TNNI3K: variants seen among roughly 807,000 people sequenced by gnomAD.
TNNI3K encodes the protein serine/threonine-protein kinase TNNI3K.
A neutral mutation model predicts 114.5 loss-of-function variants in TNNI3K; 140 were observed. That is an observed-to-expected ratio of 1.22 (90% CI 1.07 to 1.41). The LOEUF (loss-of-function observed/expected upper bound fraction) is 1.41, where lower values mean the gene tolerates loss of function less well. TNNI3K is among the 40% of genes most tolerant of loss of function. The probability of loss-of-function intolerance (pLI) is 0.00; values close to 1 mark genes in which losing one functional copy is unlikely to be tolerated. For synonymous variants in TNNI3K, 347 were observed against 347.5 expected (o/e 1.00, Z 0.02); for missense variants, 1,125 against 1,007.6 (o/e 1.12, Z -1.58).
At chr1:74,265,656 A>ATT (rs1655930759) in intron 4 of TNNI3K, among the ~76,000 whole-genome samples, 1 of 152,052 alleles carries the variant, frequency 6.6e-6, no homozygotes, top group Admixed American at 6.6e-5. Context: ...CATAATAACA[A>ATT]TTATTATGTG....
At chr1:74,311,503 T>C (rs891149415) in intron 5 of TNNI3K, among the ~76,000 whole-genome samples, 5 of 152,208 alleles carry the variant, frequency 3.3e-5, no homozygotes, top group Admixed American at 1.3e-4. Flanking sequence ...TGAAAATAGC[T>C]TAAAATATAT....
chr1:74,471,996 C>G (rs35407356), intron 21 of TNNI3K: 1 of 651,264 alleles, frequency 1.5e-6, no homozygotes, highest in Non-Finnish European at 2.8e-6. Flanking sequence ...TTTGTACGAT[C>G]TTTTGTACAT....
intron 5 of TNNI3K, among the ~76,000 whole-genome samples, chr1:74,283,678 T>C (rs956574467): frequency 6.6e-6 from 1 of 152,160 alleles, no homozygotes; most frequent in Non-Finnish European, 1.5e-5. Flanking sequence ...AGAAATCCCT[T>C]TGTAACCATT....
chr1:74,479,776 A>G (rs1668386985), intron 21 of TNNI3K, among the ~76,000 whole-genome samples: 1 of 152,252 alleles, frequency 6.6e-6, no homozygotes, highest in Non-Finnish European at 1.5e-5. Context: ...TCTATCTCCT[A>G]GTGTCATAAC....
chr1:74,463,442 G>A lies in TNNI3K; in HGVS notation c.2013G>A (p.Ala671=), dbSNP rs145840620. 5.0e-5 allele frequency: 81 copies of A among 1,613,982 alleles called. No homozygotes were observed. Among genetic ancestry groups the A allele is most frequent in the Middle Eastern group, 1.6e-4 (1 of 6,084 alleles). The stretch of plus-strand genomic sequence containing the variant: ...CTGACATGACCATTTGGTTTGCAGC[G>A]GCTGCGGCAGCAGACATGGCTTACC... ...GEIPFAHLKP[A]AAAADMAYHH... Residue 671 remains alanine (A), a splice_region_variant and synonymous_variant, in exon 21 of 25, where the codon GCG becomes GCA. Transcript: ENST00000326637.
chr1:74,536,593 A>G (rs1437925421), intron 23 of TNNI3K, among the ~76,000 whole-genome samples: 2 of 152,158 alleles, frequency 1.3e-5, no homozygotes, highest in Non-Finnish European at 2.9e-5. Flanking sequence ...CTAATATAAC[A>G]TGGTAGTATG....
At chr1:74,374,481 T>C (rs1234550555) in intron 17 of TNNI3K, 6 of 151,916 alleles carry the variant, frequency 3.9e-5, no homozygotes, top group Non-Finnish European at 7.4e-5. Context: ...AGCAAAACCA[T>C]GTGAGAAGAG....
chr1:74,495,424 T>C (rs893907245), intron 23 of TNNI3K, among the ~76,000 whole-genome samples: 3 of 152,160 alleles, frequency 2.0e-5, no homozygotes, highest in Non-Finnish European at 4.4e-5. Flanking sequence ...GTAAGAAATA[T>C]TTGTTGGGCA....
intron 23 of TNNI3K, among the ~76,000 whole-genome samples, chr1:74,530,046 C>A (rs1411728548): frequency 1.3e-5 from 2 of 152,126 alleles, no homozygotes; most frequent in Non-Finnish European, 2.9e-5. Context: ...CTCACTGCAA[C>A]CTCTACCTCC....
chr1:74,335,022 G>A (rs1660394941), intron 6 of TNNI3K, among the ~76,000 whole-genome samples: 1 of 152,134 alleles, frequency 6.6e-6, no homozygotes, highest in African/African-American at 2.4e-5. Context: ...ATCTCATCTA[G>A]CCCCACATTA....
At chr1:74,441,029 G>A (rs143573878) in intron 20 of TNNI3K, among the ~76,000 whole-genome samples, 1 of 151,938 alleles carries the variant, frequency 6.6e-6, no homozygotes, top group Admixed American at 6.6e-5. Context: ...CACCACCATC[G>A]TAGCCCAAGC....
At chr1:74,306,614 T>C (rs1229848511) in intron 5 of TNNI3K, among the ~76,000 whole-genome samples, 1 of 152,210 alleles carries the variant, frequency 6.6e-6, no homozygotes, top group East Asian at 1.9e-4. Context: ...TTAATTTGCA[T>C]TTCTCTGATG....
At chr1:74,417,634 G>A (rs1185123138) in intron 17 of TNNI3K, among the ~76,000 whole-genome samples, 1 of 151,036 alleles carries the variant, frequency 6.6e-6, no homozygotes, top group Non-Finnish European at 1.5e-5. Context: ...GAACTAACAG[G>A]GTTACATGCT....
chr1:74,515,151 G>A (rs1205072939), intron 23 of TNNI3K, among the ~76,000 whole-genome samples: 1 of 152,042 alleles, frequency 6.6e-6, no homozygotes, highest in Non-Finnish European at 1.5e-5. Flanking sequence ...GCATAACAGT[G>A]AAAGAATACA....
At position 74,526,386 on chromosome 1, in the gene TNNI3K, C is replaced by T. The variant is rs150955151; in HGVS notation, c.2352-13848C>T. ...GGTTTTGTGATTTTTATTTATGTAA[C>T]TACCCAGTGGCCATTGAGTATAAAG... is the stretch of plus-strand genomic sequence containing the variant. On this transcript the variant is annotated intron_variant, in intron 23 of 24. Coordinates refer to ENST00000326637, the MANE Select transcript of TNNI3K (RefSeq NM_015978.3). Among the ~76,000 whole-genome samples, 105 of 152,266 alleles carry T rather than the reference C, an allele frequency of 6.9e-4. 2 individuals carry two copies. In the Middle Eastern group the frequency reaches 0.02, roughly 30 times the overall value.
At position 74,411,267 on chromosome 1, in the gene TNNI3K, T is replaced by G. The variant is rs12090713; in HGVS notation, c.1773-24813T>G. On this transcript the variant is annotated intron_variant, in intron 17 of 24. Coordinates refer to ENST00000326637, the MANE Select transcript of TNNI3K (RefSeq NM_015978.3). ...GGCCCCTGAACAGGTAAGGCTCTAT[T>G]TAACTGCTAATTATCATCATTATAA... Among the ~76,000 whole-genome samples, 163 of 152,344 alleles carry G rather than the reference T, an allele frequency of 1.1e-3. 1 individual carries two copies. Among genetic ancestry groups the G allele is most frequent in the African/African-American group, 3.5e-3 (146 of 41,588 alleles).
intron 20 of TNNI3K, among the ~76,000 whole-genome samples, chr1:74,445,562 A>G (rs1430991920): frequency 2.0e-5 from 3 of 147,262 alleles, no homozygotes; most frequent in Admixed American, 1.3e-4. Context: ...ATCATTTTTT[A>G]TGGCTGCATA....
intron 5 of TNNI3K, among the ~76,000 whole-genome samples, chr1:74,303,268 A>G (rs565685393): frequency 6.6e-6 from 1 of 152,078 alleles, no homozygotes; most frequent in East Asian, 1.9e-4. Flanking sequence ...ATCTTGGCTC[A>G]CTGCAACCTC....
At chr1:74,327,514 A>G (rs1367089149) in intron 5 of TNNI3K, among the ~76,000 whole-genome samples, 3 of 146,992 alleles carry the variant, frequency 2.0e-5, no homozygotes, top group Non-Finnish European at 4.5e-5. Flanking sequence ...TTTAATATAT[A>G]TATCTCAGTA....
Sources: gnomAD v4.1 joint callset for allele counts (sites outside exome capture counted in the v4.1 genomes callset) on GRCh38, gnomAD v4.1.1 for gene constraint, MANE v1.5 for transcripts, NCBI Gene and HGNC (gene_info 2026-07-23, HGNC 2026-07-21) for gene names.